The following DOCK4 variants were observed in gnomAD, a reference collection of about 807,000 sequenced individuals.
DOCK4 encodes dedicator of cytokinesis 4, also known as dedicator of cytokinesis protein 4.
In DOCK4, 97 loss-of-function variants were observed where a neutral mutation model predicts 268.1. The ratio of observed to expected loss-of-function variants is 0.36; its 90% CI spans 0.31 to 0.43. The LOEUF is 0.43. Among genes scored for constraint, DOCK4 ranks in the 20% least tolerant of loss-of-function variants. DOCK4 has a pLI of 1.00. For synonymous variants in DOCK4, 954 were observed against 887.2 expected (o/e 1.08, Z -1.34); for missense variants, 2,145 against 2,455.7 (o/e 0.87, Z 2.67).
chr7:111,736,288 T>C (rs944388101), intron 50 of DOCK4, among the ~76,000 whole-genome samples: 1 of 152,130 alleles, frequency 6.6e-6, no homozygotes, highest in African/African-American at 2.4e-5. Flanking sequence ...GGTGAATGGG[T>C]GACTTGCTGC....
Position 112,096,563 on chromosome 7 carries a change from C to T in DOCK4, c.38-92432G>A, listed in dbSNP as rs373491753. Among the ~76,000 whole-genome samples, 159 of 152,248 alleles carry T rather than the reference C, an allele frequency of 1.0e-3. 3 individuals are homozygous for T. Among genetic ancestry groups the T allele is most frequent in the South Asian group, 8.3e-4 (4 of 4,828 alleles). The stretch of plus-strand genomic sequence containing the variant: ...TTTAAGTGTGTGGTTCTGGAAGTAA[C>T]GATCAAGTTTCACTTATTTCTTTGT... On this transcript the variant is annotated intron_variant, in intron 1 of 52. Coordinates refer to ENST00000428084, the MANE Select transcript of DOCK4 (RefSeq NM_001363540.2).
intron 1 of DOCK4, among the ~76,000 whole-genome samples, chr7:112,100,962 A>C (rs1169814378): frequency 1.3e-5 from 2 of 152,196 alleles, no homozygotes; most frequent in African/African-American, 4.8e-5. Context: ...ATTCAGACTT[A>C]AATAACCAAG....
intron 1 of DOCK4, among the ~76,000 whole-genome samples, chr7:112,120,666 C>T (rs1348436056): frequency 1.3e-5 from 2 of 152,118 alleles, no homozygotes; most frequent in Admixed American, 6.5e-5. Context: ...GATATATACA[C>T]ATCTGTTTAT....
intron 1 of DOCK4, among the ~76,000 whole-genome samples, chr7:112,006,034 C>T (rs1295028839): frequency 2.6e-5 from 4 of 152,220 alleles, no homozygotes. Context: ...GCCTTCTCCA[C>T]ACCTTCTTTC....
At chr7:111,774,091 T>C (rs139920689) in intron 36 of DOCK4, among the ~76,000 whole-genome samples, 2 of 152,284 alleles carry the variant, frequency 1.3e-5, no homozygotes, top group Middle Eastern at 3.4e-3. Context: ...TATCCATATA[T>C]ACATGCATGC....
At chr7:112,149,069 T>A (rs1218950212) in intron 1 of DOCK4, among the ~76,000 whole-genome samples, 1 of 152,194 alleles carries the variant, frequency 6.6e-6, no homozygotes, top group African/African-American at 2.4e-5. Context: ...AATACCATTT[T>A]AAGAAGTGCT....
intron 1 of DOCK4, among the ~76,000 whole-genome samples, chr7:112,027,310 C>T (rs1414620801): frequency 6.6e-5 from 10 of 152,020 alleles, no homozygotes; most frequent in African/African-American, 1.4e-4. Flanking sequence ...CTGCAACCTC[C>T]GCCTCCCGGG....
chr7:112,122,496 C>T (rs568410704), intron 1 of DOCK4, among the ~76,000 whole-genome samples: 1 of 152,162 alleles, frequency 6.6e-6, no homozygotes, highest in South Asian at 2.1e-4. Context: ...GTCATGAACT[C>T]CTGGCCTCAA....
At chr7:112,201,438 C>T (rs1215667209) in intron 1 of DOCK4, among the ~76,000 whole-genome samples, 3 of 152,052 alleles carry the variant, frequency 2.0e-5, no homozygotes, top group South Asian at 2.1e-4. Flanking sequence ...TTTTCTGCAC[C>T]GATCAATCCA....
At chr7:111,976,301 A>G (rs1257934927) in intron 8 of DOCK4, among the ~76,000 whole-genome samples, 9 of 91,328 alleles carry the variant, frequency 9.9e-5, no homozygotes, top group Non-Finnish European at 1.6e-4. Context: ...ATATATATAT[A>G]TATATATATA....
At chr7:111,849,407 C>A (rs188372220) in intron 23 of DOCK4, among the ~76,000 whole-genome samples, 1 of 152,138 alleles carries the variant, frequency 6.6e-6, no homozygotes, top group African/African-American at 2.4e-5. Context: ...GGACTACATG[C>A]ACGTGCCATC....
intron 1 of DOCK4, among the ~76,000 whole-genome samples, chr7:112,048,033 A>G (rs1804977232): frequency 6.6e-6 from 1 of 152,126 alleles, no homozygotes; most frequent in Non-Finnish European, 1.5e-5. Context: ...CTGTGAGGAC[A>G]ATGTCTCGTG....
chr7:111,970,303 C>G (rs1797603858), intron 8 of DOCK4, among the ~76,000 whole-genome samples: 1 of 151,452 alleles, frequency 6.6e-6, no homozygotes, highest in Non-Finnish European at 1.5e-5. Context: ...AGCTGTATGA[C>G]CTTGGGCAAG....
chr7:112,113,955 G>A (rs759760894), intron 1 of DOCK4, among the ~76,000 whole-genome samples: 23 of 151,876 alleles, frequency 1.5e-4, no homozygotes, highest in Non-Finnish European at 2.9e-4. Flanking sequence ...TTTTGGCAAA[G>A]CCATCATTTT....
chr7:112,182,169 C>T (rs1014438370), intron 1 of DOCK4, among the ~76,000 whole-genome samples: 1 of 152,134 alleles, frequency 6.6e-6, no homozygotes, highest in Non-Finnish European at 1.5e-5. Flanking sequence ...ACACTGCCTA[C>T]CCCATAGAGT....
intron 12 of DOCK4, among the ~76,000 whole-genome samples, chr7:111,916,506 A>G (rs1792598449): frequency 1.3e-5 from 2 of 152,242 alleles, no homozygotes; most frequent in South Asian, 4.1e-4. Context: ...AGGAGAATTT[A>G]GCAGAATACA....
At chr7:111,858,467 C>A (rs975128171) in intron 23 of DOCK4, among the ~76,000 whole-genome samples, 2 of 152,130 alleles carry the variant, frequency 1.3e-5, no homozygotes, top group African/African-American at 4.8e-5. Context: ...GTAAACTGTC[C>A]TCCCCAATGT....
At chr7:111,821,774 T>C (rs535794868) in intron 27 of DOCK4, 6 of 152,364 alleles carry the variant, frequency 3.9e-5, no homozygotes, top group East Asian at 1.9e-4. Context: ...TCAATCTCCA[T>C]GTGTCCAACT....
chr7:111,860,547 T>C (rs145660945), intron 23 of DOCK4, among the ~76,000 whole-genome samples: 33 of 152,356 alleles, frequency 2.2e-4, no homozygotes, highest in Admixed American at 7.2e-4. Context: ...TCCATAATCA[T>C]TCTCCATGTG....
Sources: gnomAD v4.1 joint callset for allele counts (sites outside exome capture counted in the v4.1 genomes callset) on GRCh38, gnomAD v4.1.1 for gene constraint, MANE v1.5 for transcripts, NCBI Gene and HGNC (gene_info 2026-07-23, HGNC 2026-07-21) for gene names.